EDN1: variants seen among roughly 807,000 people sequenced by gnomAD.
The protein encoded by EDN1 is endothelin 1.
A neutral mutation model predicts 21.7 loss-of-function variants in EDN1; 11 were observed. The observed-to-expected ratio is 0.51, with a 90% CI of 0.32 to 0.84. The LOEUF (loss-of-function observed/expected upper bound fraction) is 0.84. Ranked by LOEUF, EDN1 falls within the 40% of genes least tolerant of loss-of-function variation. The pLI is 0.03. For synonymous variants in EDN1, 85 were observed against 90.6 expected, an observed-to-expected ratio of 0.94 and a Z score of 0.35; for missense variants, 244 against 262.3, an observed-to-expected ratio of 0.93 and a Z score of 0.48.
At chr6:12,285,988 C>T (rs1379888941), upstream of EDN1, among the ~76,000 whole-genome samples, 1 of 151,942 alleles carries the variant, frequency 6.6e-6, no homozygotes, top group African/African-American at 2.4e-5. Flanking sequence ...TTAAGCATAC[C>T]AACCATAATT....
At chr6:12,263,855 C>T in the EDN1 span, among the ~76,000 whole-genome samples, 1 of 152,092 alleles carries the variant, frequency 6.6e-6, no homozygotes, top group African/African-American at 2.4e-5. Flanking sequence ...CTGTCTTTGT[C>T]AACTAACCTT....
the EDN1 span, among the ~76,000 whole-genome samples, chr6:12,258,243 G>A: frequency 6.6e-6 from 1 of 151,140 alleles, no homozygotes; most frequent in Admixed American, 6.6e-5. Flanking sequence ...TCTGAGGCCA[G>A]GAGTTCGAGA....
intron 1 of EDN1, 135 bp from the exon 2 acceptor site, chr6:12,292,203 TCTG>T: frequency 7.9e-7 from 1 of 1,258,378 alleles, no homozygotes; most frequent in African/African-American, 1.5e-5. Flanking sequence ...AGCCCTTTTT[TCTG>T]TGTTTCTTGC....
the EDN1 span, among the ~76,000 whole-genome samples, chr6:12,231,527 G>C: frequency 6.6e-6 from 1 of 152,026 alleles, no homozygotes; most frequent in South Asian, 2.1e-4. Context: ...ATAGTAATTT[G>C]ACTTCTAGAT....
the EDN1 span, among the ~76,000 whole-genome samples, chr6:12,244,269 CAGGTAATGCATCAATCATTTGG>C: frequency 2.0e-5 from 3 of 151,900 alleles, no homozygotes; most frequent in Admixed American, 2.0e-4. Context: ...ATGATTTTGC[CAGGTAATGCATCAATCATTTGG>C]AAAATATTAA....
the EDN1 span, among the ~76,000 whole-genome samples, chr6:12,238,121 G>A: frequency 2.7e-5 from 4 of 146,758 alleles, no homozygotes; most frequent in African/African-American, 7.6e-5. Context: ...GCAGTGAGTT[G>A]AGATGGCGCC....
At chr6:12,272,402 C>T in the EDN1 span, among the ~76,000 whole-genome samples, 1 of 150,776 alleles carries the variant, frequency 6.6e-6, no homozygotes. Flanking sequence ...CTTCTTCTCA[C>T]ACTTACATAC....
the EDN1 span, among the ~76,000 whole-genome samples, chr6:12,271,293 G>T: frequency 6.6e-6 from 1 of 151,948 alleles, no homozygotes; most frequent in Non-Finnish European, 1.5e-5. Flanking sequence ...ATGTTTGGGT[G>T]ATTTTCTGTA....
chr6:12,290,406 C>G lies in EDN1; in HGVS notation c.-224C>G, dbSNP rs1762640825. The G allele has an allele frequency of 6.9e-6, 4 of 580,646 alleles. No individual in the cohort carries two copies. Among genetic ancestry groups the G allele is most frequent in the African/African-American group, 5.6e-5 (3 of 53,454 alleles). 36.0% of individuals were successfully genotyped at this position (580,646 alleles called of 1,614,324 possible). A position where few individuals can be genotyped will look rare whatever the true frequency, so the allele number is the denominator to read the frequency against. ...GCCAGGCGAACGGGTCCTGCGCCTC[C>G]TGCAGTCCCAGCTCTCCACCGCCGC... is the stretch of plus-strand genomic sequence containing the variant. On this transcript the variant is annotated 5_prime_UTR_variant, in exon 1 of 5. Coordinates refer to ENST00000379375, the MANE Select transcript of EDN1 (RefSeq NM_001955.5).
intron 1 of EDN1, among the ~76,000 whole-genome samples, chr6:12,291,437 T>C (rs1581884209): frequency 6.6e-6 from 1 of 151,784 alleles, no homozygotes; most frequent in Non-Finnish European, 1.5e-5. Context: ...TCTGCCCGGG[T>C]CCCCCCCGTT....
the EDN1 span, among the ~76,000 whole-genome samples, chr6:12,246,347 CAT>C: frequency 1.3e-5 from 2 of 152,144 alleles, no homozygotes; most frequent in African/African-American, 4.8e-5. Context: ...CACTTCTTAA[CAT>C]AGCTCAGAGG....
Position 12,296,254 on chromosome 6 carries a change from G to A in EDN1, c.*187G>A, listed in dbSNP as rs181644737. ...GGAGTTCCCCCAACCATCTTCACTGGCTTCCATCAGTGGTAACTGCTTTGG... is the reference window on the plus strand; with the variant it reads ...GGAGTTCCCCCAACCATCTTCACTGACTTCCATCAGTGGTAACTGCTTTGG... On this transcript the variant is annotated 3_prime_UTR_variant, in exon 5 of 5. Coordinates refer to ENST00000379375, the MANE Select transcript of EDN1 (RefSeq NM_001955.5). The A allele has an allele frequency of 6.7e-6, 4 of 595,000 alleles. No homozygotes were observed. The highest frequency in any genetic ancestry group is 5.5e-5 in the African/African-American group (3 of 54,198). 36.9% of individuals were successfully genotyped at this position (595,000 alleles called of 1,614,324 possible). A position where few individuals can be genotyped will look rare whatever the true frequency, so the allele number is the denominator to read the frequency against.
the EDN1 span, among the ~76,000 whole-genome samples, chr6:12,266,086 T>G: frequency 6.6e-6 from 1 of 152,110 alleles, no homozygotes; most frequent in African/African-American, 2.4e-5. Flanking sequence ...GGGGAAGATG[T>G]GATGAGGCAT....
At chr6:12,245,831 G>A in the EDN1 span, among the ~76,000 whole-genome samples, 5 of 152,038 alleles carry the variant, frequency 3.3e-5, no homozygotes, top group African/African-American at 1.2e-4. Flanking sequence ...GAGGCTGTGG[G>A]TGGGGAGGGA....
the EDN1 span, among the ~76,000 whole-genome samples, chr6:12,243,312 A>AGGAGGAGGAGGAGAGGAGGG: frequency 1.2e-5 from 1 of 81,316 alleles, no homozygotes; most frequent in East Asian, 3.3e-4. Context: ...GGAGAGGAGG[A>AGGAGGAGGAGGAGAGGAGGG]GGAGGAGGAG....
At chr6:12,245,340 C>T in the EDN1 span, among the ~76,000 whole-genome samples, 1 of 152,206 alleles carries the variant, frequency 6.6e-6, no homozygotes, top group African/African-American at 2.4e-5. Flanking sequence ...GGGTAGCTCT[C>T]CTGATGAATA....
At chr6:12,266,902 A>G in the EDN1 span, among the ~76,000 whole-genome samples, 1 of 152,186 alleles carries the variant, frequency 6.6e-6, no homozygotes, top group African/African-American at 2.4e-5. Context: ...AGAACTTAAA[A>G]ATTCTTTTTT....
At chr6:12,265,581 C>A in the EDN1 span, among the ~76,000 whole-genome samples, 2 of 152,146 alleles carry the variant, frequency 1.3e-5, no homozygotes, top group African/African-American at 4.8e-5. Context: ...AGAAAAATAA[C>A]CCTGCTGGCA....
At chr6:12,295,050 T>C (rs772727906) in intron 4 of EDN1, among the ~76,000 whole-genome samples, 1 of 150,582 alleles carries the variant, frequency 6.6e-6, no homozygotes, top group Non-Finnish European at 1.5e-5. Context: ...GGCAACATCA[T>C]AGAGTTGCTC....
Sources: allele counts gnomAD v4.1 joint callset (sites outside exome capture counted in the v4.1 genomes callset), GRCh38; gene constraint gnomAD v4.1.1; transcripts MANE v1.5; gene names NCBI Gene and HGNC (gene_info 2026-07-23, HGNC 2026-07-21).